Variants in RBFOX1 observed in about 807,000 individuals in gnomAD.
RBFOX1 encodes RNA binding protein fox-1 homolog 1.
RBFOX1 carries 8 observed loss-of-function variants against 57.7 expected under a neutral mutation model. The ratio of observed to expected loss-of-function variants is 0.14; its 90% CI spans 0.08 to 0.25. The LOEUF (loss-of-function observed/expected upper bound fraction) is 0.25. RBFOX1 is among the 10% of genes least tolerant of loss of function. The pLI, the probability that RBFOX1 is intolerant of heterozygous loss-of-function variation, is 1.00. For synonymous variants in RBFOX1, 326 were observed against 222.4 expected (o/e 1.47, Z -4.15); for missense variants, 611 against 548.5 (o/e 1.11, Z -1.14).
intron 3 of RBFOX1, among the ~76,000 whole-genome samples, chr16:6,954,107 G>A (rs1383868584): frequency 1.3e-5 from 2 of 152,172 alleles, no homozygotes; most frequent in African/African-American, 2.4e-5. Flanking sequence ...AACACTTAAG[G>A]TGTCAGTCAC....
At chr16:5,291,294 A>T (rs539611308) in intron 1 of RBFOX1, among the ~76,000 whole-genome samples, 3 of 122,256 alleles carry the variant, frequency 2.5e-5, no homozygotes, top group South Asian at 4.9e-4. Context: ...ACGGAGTCTC[A>T]CTCTGTCACC....
chr16:7,067,420 T>C (rs1303249071), intron 4 of RBFOX1, among the ~76,000 whole-genome samples: 2 of 152,096 alleles, frequency 1.3e-5, no homozygotes, highest in East Asian at 1.9e-4. Flanking sequence ...AGGCTGTGTT[T>C]CTTTTGGAGG....
At chr16:6,817,421 C>G (rs1308775010) in intron 3 of RBFOX1, among the ~76,000 whole-genome samples, 1 of 151,526 alleles carries the variant, frequency 6.6e-6, no homozygotes, top group African/African-American at 2.4e-5. Context: ...TAGCTGGACG[C>G]AGTGGCTCAT....
Position 5,807,693 on chromosome 16 carries a change from G to A in RBFOX1, c.319-59610G>A, listed in dbSNP as rs186713874. Reference sequence around the variant, plus strand: ...CTGGCTTCTGAGAGAGAGGGAGTGTGGAAGGTTGAAGTCTACATCGGTGCA... The same window carrying A: ...CTGGCTTCTGAGAGAGAGGGAGTGTAGAAGGTTGAAGTCTACATCGGTGCA... On this transcript the variant is annotated intron_variant, in intron 3 of 19. Coordinates refer to the RBFOX1 transcript ENST00000641259. Among the ~76,000 whole-genome samples, 74 of 152,304 alleles carry A rather than the reference G, an allele frequency of 4.9e-4. 1 individual carries two copies. Among genetic ancestry groups the A allele is most frequent in the African/African-American group, 1.7e-3 (70 of 41,544 alleles).
intron 1 of RBFOX1, among the ~76,000 whole-genome samples, chr16:6,100,890 G>C (rs1017973846): frequency 1.3e-5 from 2 of 152,122 alleles, no homozygotes; most frequent in African/African-American, 4.8e-5. Flanking sequence ...TGTAAGAAGA[G>C]TCTGAGATGA....
chr16:7,273,610 G>T (rs2095383173), intron 4 of RBFOX1, among the ~76,000 whole-genome samples: 1 of 152,124 alleles, frequency 6.6e-6, no homozygotes, highest in Admixed American at 6.6e-5. Flanking sequence ...TTACCTCCCA[G>T]GATTTTCCTG....
At chr16:5,702,567 G>C (rs1425781937) in intron 3 of RBFOX1, among the ~76,000 whole-genome samples, 4 of 152,156 alleles carry the variant, frequency 2.6e-5, no homozygotes, top group African/African-American at 9.7e-5. Flanking sequence ...CCCTGGAGAG[G>C]AACAAGGTTT....
At chr16:6,650,202 G>T (rs1283860013) in intron 2 of RBFOX1, among the ~76,000 whole-genome samples, 2 of 152,158 alleles carry the variant, frequency 1.3e-5, no homozygotes, top group Non-Finnish European at 1.5e-5. Flanking sequence ...GATGCTGCTG[G>T]TTGGAGAGTC....
intron 1 of RBFOX1, among the ~76,000 whole-genome samples, chr16:6,265,483 A>G (rs1325204003): frequency 6.6e-6 from 1 of 152,054 alleles, no homozygotes; most frequent in African/African-American, 2.4e-5. Context: ...GCTGGTCTCA[A>G]ACTCCTGACC....
chr16:6,592,516 G>C (rs1301268051), intron 2 of RBFOX1, among the ~76,000 whole-genome samples: 3 of 152,172 alleles, frequency 2.0e-5, no homozygotes, highest in South Asian at 4.1e-4. Context: ...GTACATTTAG[G>C]TTAGGATAGT....
intron 4 of RBFOX1, among the ~76,000 whole-genome samples, chr16:7,062,160 A>C (rs2153748072): frequency 6.6e-6 from 1 of 151,910 alleles, no homozygotes; most frequent in African/African-American, 2.4e-5. Context: ...TACTAAAAAC[A>C]CACAAAAAAT....
intron 3 of RBFOX1, among the ~76,000 whole-genome samples, chr16:6,934,852 G>A (rs543691617): frequency 6.6e-6 from 1 of 152,102 alleles, no homozygotes; most frequent in Non-Finnish European, 1.5e-5. Context: ...TTGGAAGGCC[G>A]AGGCTGGCAG....
rs143292016 is a variant in RBFOX1, at chr16:5,807,631, CT to C, written c.319-59668del. Among the ~76,000 whole-genome samples, 1,087 of 152,246 alleles carry C rather than the reference CT, an allele frequency of 7.1e-3. 14 individuals carry two copies. The highest frequency in any genetic ancestry group is 0.024 in the African/African-American group (1,016 of 41,524). The stretch of plus-strand genomic sequence containing the variant: ...GGGATGAATGTAGTCAGGGAGGGGG[CT>C]TTTAGAACAGGGATCAATTCTGGAT... On this transcript the variant is annotated intron_variant, in intron 3 of 19. Transcript: ENST00000641259.
chr16:6,954,038 C>G (rs1026236221), intron 3 of RBFOX1, among the ~76,000 whole-genome samples: 1 of 152,084 alleles, frequency 6.6e-6, no homozygotes, highest in South Asian at 2.1e-4. Context: ...GCATATACCC[C>G]TAATATGGCA....
intron 3 of RBFOX1, among the ~76,000 whole-genome samples, chr16:5,666,003 C>T (rs1184873087): frequency 6.6e-6 from 1 of 152,250 alleles, no homozygotes; most frequent in Non-Finnish European, 1.5e-5. Context: ...GCCGTCAAAA[C>T]TGCCACCCAC....
At chr16:6,052,673 A>C (rs1378265291) in intron 1 of RBFOX1, among the ~76,000 whole-genome samples, 12 of 151,716 alleles carry the variant, frequency 7.9e-5, no homozygotes, top group Non-Finnish European at 1.5e-5. Context: ...AGTCCCAGCT[A>C]CTCGGGAGGC....
intron 1 of RBFOX1, among the ~76,000 whole-genome samples, chr16:6,126,935 A>G (rs980110524): frequency 1.3e-5 from 2 of 151,682 alleles, no homozygotes; most frequent in Non-Finnish European, 2.9e-5. Context: ...AGGTACTAGG[A>G]AAAAAATCAA....
At chr16:7,325,160 A>C (rs1472417825) in intron 4 of RBFOX1, among the ~76,000 whole-genome samples, 1 of 152,218 alleles carries the variant, frequency 6.6e-6, no homozygotes, top group Non-Finnish European at 1.5e-5. Context: ...TATGACAACT[A>C]TCAACAGCCA....
At chr16:6,269,624 C>G (rs147862699) in intron 1 of RBFOX1, among the ~76,000 whole-genome samples, 1 of 152,244 alleles carries the variant, frequency 6.6e-6, no homozygotes, top group Non-Finnish European at 1.5e-5. Context: ...ACTCAGAATT[C>G]TGTATTGAGT....
Sources: gnomAD v4.1 joint callset for allele counts (sites outside exome capture counted in the v4.1 genomes callset) on GRCh38, gnomAD v4.1.1 for gene constraint, MANE v1.5 for transcripts, NCBI Gene and HGNC (gene_info 2026-07-23, HGNC 2026-07-21) for gene names.